The following EP400 variants were observed in gnomAD, a reference collection of about 807,000 sequenced individuals.
EP400 encodes the protein E1A binding protein p400.
In EP400, 105 loss-of-function variants were observed where a neutral mutation model predicts 354.1. The observed-to-expected ratio is 0.30, with a 90% CI of 0.25 to 0.35. EP400 has a LOEUF of 0.35. Among genes scored for constraint, EP400 ranks in the 10% least tolerant of loss-of-function variants. The pLI is 1.00. For synonymous variants in EP400, 1,646 were observed against 1,716.9 expected (o/e 0.96, Z 1.02); for missense variants, 3,280 against 4,121.0 (o/e 0.80, Z 5.59).
intron 30 of EP400, among the ~76,000 whole-genome samples, chr12:132,036,013 G>A (rs55979653): frequency 6.7e-6 from 1 of 150,298 alleles, no homozygotes; most frequent in Non-Finnish European, 1.5e-5. Flanking sequence ...GGCACACCCA[G>A]GTTCACATGG....
chr12:132,028,506 T>C (rs997670095), intron 27 of EP400, among the ~76,000 whole-genome samples: 1 of 152,200 alleles, frequency 6.6e-6, no homozygotes, highest in Non-Finnish European at 1.5e-5. Flanking sequence ...CTGAAGGAAG[T>C]TGGCAGCCCT....
At chr12:132,002,437 A>G (rs1893446392) in intron 12 of EP400, among the ~76,000 whole-genome samples, 1 of 150,814 alleles carries the variant, frequency 6.6e-6, no homozygotes, top group African/African-American at 2.5e-5. Context: ...CTTACTAGAT[A>G]TCCTATTAAA....
At chr12:132,048,519 ATT>A (rs35268260) in intron 39 of EP400, among the ~76,000 whole-genome samples, 73 of 133,544 alleles carry the variant, frequency 5.5e-4, no homozygotes, top group Middle Eastern at 7.9e-3. Context: ...TTTGAGAGTG[ATT>A]TTTTTTTTTT....
intron 39 of EP400, among the ~76,000 whole-genome samples, chr12:132,047,326 GA>G (rs1178650974): frequency 1.1e-4 from 16 of 151,946 alleles, no homozygotes. Flanking sequence ...CCTTATTATG[GA>G]AAAAAAATTA....
At chr12:132,044,639 G>T (rs923620464) in intron 35 of EP400, 32 bp from the exon 36 acceptor site, 3 of 1,613,820 alleles carry the variant, frequency 1.9e-6, no homozygotes, top group South Asian at 1.1e-5. Flanking sequence ...CTGAGACTTG[G>T]TGGAAGTCAG....
intron 2 of EP400, 83 bp from the exon 3 acceptor site, chr12:131,979,611 T>A: frequency 7.9e-7 from 1 of 1,266,036 alleles, no homozygotes; most frequent in East Asian, 2.5e-5. Context: ...GAGGTCGATG[T>A]TTGGGATAAT....
chr12:131,970,531 A>C (rs1892253781), intron 2 of EP400, among the ~76,000 whole-genome samples: 1 of 152,192 alleles, frequency 6.6e-6, no homozygotes, highest in Non-Finnish European at 1.5e-5. Flanking sequence ...GGCAGCCCCA[A>C]ATTGGAAAGA....
rs562862708 is a variant in EP400, at chr12:132,016,253, C to A, written c.3924-1282C>A. 1.6e-4 allele frequency among the ~76,000 whole-genome samples: 25 copies of A among 152,340 alleles called. No homozygotes were observed. In the East Asian group the frequency reaches 4.8e-3, roughly 29 times the overall value. ...GATGCTTGTCTCCATTTTTCGGTCTCCACTCATTTCTCAGCCCCCATGCAA... is the reference window on the plus strand; with the variant it reads ...GATGCTTGTCTCCATTTTTCGGTCTACACTCATTTCTCAGCCCCCATGCAA... On this transcript the variant is annotated intron_variant, in intron 19 of 52. Transcript: ENST00000389561.
intron 2 of EP400, among the ~76,000 whole-genome samples, chr12:131,964,611 A>C (rs1453337955): frequency 6.6e-6 from 1 of 152,240 alleles, no homozygotes; most frequent in African/African-American, 2.4e-5. Flanking sequence ...TCAAATGTAC[A>C]TAATAGTTGC....
intron 1 of EP400, among the ~76,000 whole-genome samples, chr12:131,959,996 G>A (rs1205218228): frequency 6.6e-6 from 1 of 152,226 alleles, no homozygotes; most frequent in East Asian, 1.9e-4. Flanking sequence ...GCTGGGGAGG[G>A]CTGGGTATTT....
chr12:132,062,575 G>GCAGCAGCAGCAGCAGCAA lies in EP400; in HGVS notation c.8223_8240dup (p.Gln2743_Gln2748dup). On this transcript the variant is annotated inframe_insertion, in exon 47 of 53. Transcript: ENST00000389561. ...AGCAGCAGCAGCAGCAGCAGCAGCA[G>GCAGCAGCAGCAGCAGCAA]CAGCAGCAGCAGCAGCAACAGCAGC... 6.2e-7 allele frequency: 1 copy of GCAGCAGCAGCAGCAGCAA among 1,610,168 alleles called. No homozygotes were observed. The highest frequency in any genetic ancestry group is 8.5e-7 in the Non-Finnish European group (1 of 1,177,634).
intron 2 of EP400, among the ~76,000 whole-genome samples, chr12:131,966,905 A>G (rs1357317716): frequency 6.9e-6 from 1 of 144,278 alleles, no homozygotes; most frequent in Non-Finnish European, 1.5e-5. Context: ...ACTTGTCTCA[A>G]AAAAAAAAAA....
rs1895919597 is a variant in EP400, at chr12:132,067,165, C to T, written c.8749+196C>T. 1 of 1,151,150 alleles carries T rather than the reference C, an allele frequency of 8.7e-7. No homozygotes were observed. Among genetic ancestry groups the T allele is most frequent in the Non-Finnish European group, 1.2e-6 (1 of 828,570 alleles). 71.3% of individuals were successfully genotyped at this position (1,151,150 alleles called of 1,614,324 possible). On this transcript the variant is annotated intron_variant, in intron 49 of 52. Transcript: ENST00000389561. This position sits in a 1 kb window ranked among gnomAD's most constrained non-coding sequence, Gnocchi z 5.3. Reference sequence around the variant, plus strand: ...GGTCCTCAATTGAACTGTTAACATTCTGAAATTTCCGTCTTAATTTAAGTG... The same window carrying T: ...GGTCCTCAATTGAACTGTTAACATTTTGAAATTTCCGTCTTAATTTAAGTG...
At position 132,050,282 on chromosome 12, in the gene EP400, T is replaced by C. The variant is rs773332718; in HGVS notation, c.7201-41T>C. 1.7e-5 allele frequency: 28 copies of C among 1,611,264 alleles called. No individual in the cohort carries two copies. Among genetic ancestry groups the C allele is most frequent in the Non-Finnish European group, 2.4e-5 (28 of 1,178,118 alleles). On this transcript the variant is annotated intron_variant, in intron 39 of 52. Transcript: ENST00000389561. The surrounding 1 kb of genome is among the most constrained non-coding windows in gnomAD (Gnocchi z 4.8). ...TGTGTCCCACGCAGCCGTCTGTCCA[T>C]GCTGCCTAATTCAGATGCACTCTCG...
At chr12:132,072,285 C>A (rs1002807175) in intron 51 of EP400, among the ~76,000 whole-genome samples, 4 of 152,170 alleles carry the variant, frequency 2.6e-5, no homozygotes, top group Admixed American at 6.5e-5. Context: ...TACTTCCTTT[C>A]CTTTCTTTTA....
At chr12:132,023,651 A>T in intron 23 of EP400, 126 bp from the exon 24 acceptor site, 2 of 769,370 alleles carry the variant, frequency 2.6e-6, no homozygotes, top group Non-Finnish European at 4.0e-6. Context: ...ACTACCTGAT[A>T]AACATTTCTG....
intron 45 of EP400, among the ~76,000 whole-genome samples, chr12:132,055,679 AGGG>A (rs573250330): frequency 9.9e-5 from 5 of 50,362 alleles, no homozygotes; most frequent in South Asian, 7.2e-4. Flanking sequence ...TGTGAGGTGT[AGGG>A]GGGCGTGTGT....
chr12:132,057,979 TGTA>T (rs1401217880), intron 45 of EP400, among the ~76,000 whole-genome samples: 116 of 152,176 alleles, frequency 7.6e-4, no homozygotes. Context: ...ATGGGGGCCT[TGTA>T]GTGCTGTGGC....
chr12:132,032,120 C>T lies in EP400; in HGVS notation c.5922C>T (p.Ile1974=), dbSNP rs146989034. ...AAGCTCAGGAGTGGTGCGATAGGAT[C>T]GGGAGATGCAAAGACATCCACATAT... The part of the protein sequence containing the change: ...DAKAQEWCDR[I]GRCKDIHIYR... The change falls in exon 30 of 53, where the codon ATC becomes ATT. Residue 1974 remains isoleucine, a synonymous_variant. Coordinates refer to ENST00000389561, the MANE Select transcript of EP400 (RefSeq NM_015409.5). The T allele has an allele frequency of 2.2e-4, 348 of 1,613,810 alleles. No individual in the cohort carries two copies. Among genetic ancestry groups the T allele is most frequent in the Non-Finnish European group, 2.8e-4 (325 of 1,179,926 alleles).
Sources: allele counts gnomAD v4.1 joint callset (sites outside exome capture counted in the v4.1 genomes callset), GRCh38; gene constraint gnomAD v4.1.1; non-coding constraint Gnocchi (gnomAD v3.1); transcripts MANE v1.5; gene names NCBI Gene and HGNC (gene_info 2026-07-23, HGNC 2026-07-21).